CTNNA3: variants seen among roughly 807,000 people sequenced by gnomAD.
The protein encoded by CTNNA3 is catenin alpha-3.
Under a neutral mutation model 95.7 loss-of-function variants are expected in CTNNA3, and 76 were observed. The observed-to-expected ratio is 0.79, with a 90% CI of 0.66 to 0.96. The LOEUF (loss-of-function observed/expected upper bound fraction) is 0.96. CTNNA3 is among the 40% of genes least tolerant of loss of function. The pLI, the probability that CTNNA3 is intolerant of heterozygous loss-of-function variation, is 0.00. For synonymous variants in CTNNA3, 431 were observed against 374.4 expected, an observed-to-expected ratio of 1.15 and a Z score of -1.74; for missense variants, 1,191 against 1,089.8, an observed-to-expected ratio of 1.09 and a Z score of -1.31.
chr10:67,027,436 C>CTTTTT (rs5785811), intron 7 of CTNNA3, among the ~76,000 whole-genome samples: 7 of 134,358 alleles, frequency 5.2e-5, no homozygotes, highest in Non-Finnish European at 9.4e-5. Context: ...TCTTTCATGA[C>CTTTTT]TTTTTTTTTT....
At chr10:66,959,178 C>T (rs1848988808) in intron 7 of CTNNA3, among the ~76,000 whole-genome samples, 1 of 152,158 alleles carries the variant, frequency 6.6e-6, no homozygotes, top group Non-Finnish European at 1.5e-5. Flanking sequence ...GCTTAGTGTC[C>T]TAATGCAGCA....
intron 9 of CTNNA3, among the ~76,000 whole-genome samples, chr10:66,689,388 T>G (rs1229955159): frequency 6.6e-6 from 1 of 152,200 alleles, no homozygotes; most frequent in Non-Finnish European, 1.5e-5. Flanking sequence ...AAGAAAACTA[T>G]TAATTCCTGA....
intron 11 of CTNNA3, among the ~76,000 whole-genome samples, chr10:66,493,663 T>G (rs1298167091): frequency 6.8e-6 from 1 of 146,582 alleles, no homozygotes; most frequent in East Asian, 2.2e-4. Flanking sequence ...TGGAGTTCAG[T>G]GGCGTGATCT....
chr10:66,451,977 C>A (rs551543650), intron 11 of CTNNA3, among the ~76,000 whole-genome samples: 78 of 152,264 alleles, frequency 5.1e-4, no homozygotes, highest in African/African-American at 1.8e-3. Context: ...ACTCTCATCT[C>A]ATTTTCCCCA....
intron 14 of CTNNA3, among the ~76,000 whole-genome samples, chr10:66,087,767 C>T (rs552886207): frequency 1.3e-5 from 2 of 152,234 alleles, no homozygotes; most frequent in East Asian, 3.9e-4. Context: ...TTCTGCAATT[C>T]TATCACTTTG....
At chr10:66,005,511 C>T (rs1206050864) in intron 15 of CTNNA3, among the ~76,000 whole-genome samples, 3 of 152,124 alleles carry the variant, frequency 2.0e-5, no homozygotes, top group South Asian at 4.1e-4. Context: ...TGCTCCTTTA[C>T]TTACAATTCA....
At chr10:66,391,372 C>T (rs1029934864) in intron 11 of CTNNA3, among the ~76,000 whole-genome samples, 1 of 152,094 alleles carries the variant, frequency 6.6e-6, no homozygotes, top group Non-Finnish European at 1.5e-5. Context: ...CTTAAGTAGG[C>T]TCTTGTAACA....
chr10:66,980,701 C>T (rs1274347527), intron 7 of CTNNA3, among the ~76,000 whole-genome samples: 5 of 152,176 alleles, frequency 3.3e-5, no homozygotes, highest in Non-Finnish European at 7.3e-5. Context: ...ATTGTGCCAA[C>T]TGAACCCTCC....
At chr10:66,925,906 G>T (rs578036262) in intron 7 of CTNNA3, 19 of 416,296 alleles carry the variant, frequency 4.6e-5, no homozygotes, top group South Asian at 3.3e-4. Flanking sequence ...CCACCCAAAA[G>T]AATCATTCAT....
chr10:66,252,143 T>A (rs2090580670), intron 13 of CTNNA3, among the ~76,000 whole-genome samples: 1 of 152,168 alleles, frequency 6.6e-6, no homozygotes, highest in Admixed American at 6.5e-5. Context: ...CAATGATATA[T>A]ATATTATTTA....
rs115254836 is a variant in CTNNA3, at chr10:67,248,315, G to A, written c.580-28445C>T. ...ATTGTGTCACTGCACTCCAGCATAG[G>A]CAAGAGTGAGACCCTGTGTCAAAGA... On this transcript the variant is annotated intron_variant, in intron 5 of 17. Coordinates refer to ENST00000433211, the MANE Select transcript of CTNNA3 (RefSeq NM_013266.4). Among the ~76,000 whole-genome samples the A allele has an allele frequency of 3.6e-3, 553 of 152,232 alleles. 5 individuals are homozygous for A. The highest frequency in any genetic ancestry group is 0.013 in the African/African-American group (534 of 41,540).
intron 7 of CTNNA3, among the ~76,000 whole-genome samples, chr10:66,820,805 A>G (rs1166330408): frequency 3.9e-5 from 6 of 152,128 alleles, no homozygotes; most frequent in African/African-American, 1.4e-4. Flanking sequence ...ACTAGTTTAT[A>G]ACTTCTGATT....
intron 12 of CTNNA3, among the ~76,000 whole-genome samples, chr10:66,326,240 G>A (rs1419109460): frequency 6.6e-6 from 1 of 152,066 alleles, no homozygotes; most frequent in Non-Finnish European, 1.5e-5. Context: ...GTAAAGTGAA[G>A]GACACTAATA....
intron 1 of CTNNA3, among the ~76,000 whole-genome samples, chr10:67,687,060 G>C (rs1028994644): frequency 7.2e-5 from 11 of 152,192 alleles, no homozygotes; most frequent in Non-Finnish European, 1.5e-4. Flanking sequence ...GAGGAGGTGG[G>C]AGAAATACCT....
At chr10:67,017,477 T>C (rs1326933646) in intron 7 of CTNNA3, among the ~76,000 whole-genome samples, 2 of 152,144 alleles carry the variant, frequency 1.3e-5, no homozygotes, top group Admixed American at 6.5e-5. Context: ...CCACATACCA[T>C]GCTGGCATCC....
intron 13 of CTNNA3, among the ~76,000 whole-genome samples, chr10:66,145,269 C>T (rs192399194): frequency 2.0e-4 from 31 of 152,276 alleles, no homozygotes; most frequent in Admixed American, 1.0e-3. Flanking sequence ...GCTTTCCTTT[C>T]CAAGGCCCTT....
At chr10:66,729,998 G>A (rs1465905798) in intron 9 of CTNNA3, among the ~76,000 whole-genome samples, 1 of 151,630 alleles carries the variant, frequency 6.6e-6, no homozygotes, top group East Asian at 2.0e-4. Context: ...CCCAGCTACT[G>A]GGGAGGCTGA....
intron 7 of CTNNA3, among the ~76,000 whole-genome samples, chr10:66,843,217 C>A (rs369336986): frequency 6.6e-6 from 1 of 152,154 alleles, no homozygotes; most frequent in South Asian, 2.1e-4. Flanking sequence ...AATGAGAAAA[C>A]CAAGCTCAGG....
intron 7 of CTNNA3, among the ~76,000 whole-genome samples, chr10:67,086,363 TA>T (rs1306612712): frequency 6.6e-6 from 1 of 152,020 alleles, no homozygotes; most frequent in Non-Finnish European, 1.5e-5. Context: ...TCACTTCATT[TA>T]GTTGGGAGAT....
Sources: allele counts gnomAD v4.1 joint callset (sites outside exome capture counted in the v4.1 genomes callset), GRCh38; gene constraint gnomAD v4.1.1; transcripts MANE v1.5; gene names NCBI Gene and HGNC (gene_info 2026-07-23, HGNC 2026-07-21).